Variants in SCNN1B observed in about 807,000 individuals in gnomAD.
SCNN1B encodes the protein sodium channel epithelial 1 subunit beta, also known as epithelial sodium channel subunit beta.
In SCNN1B, 46 loss-of-function variants were observed where a neutral mutation model predicts 65.3. The observed-to-expected ratio is 0.70, with a 90% CI of 0.56 to 0.90. The LOEUF is 0.90. Among genes scored for constraint, SCNN1B ranks in the 40% least tolerant of loss-of-function variants. The pLI is 0.00. For missense variants in SCNN1B, 751 were observed against 830.5 expected, an observed-to-expected ratio of 0.90 and a Z score of 1.18; for synonymous variants, 349 against 330.6, an observed-to-expected ratio of 1.06 and a Z score of -0.60.
intron 1 of SCNN1B, among the ~76,000 whole-genome samples, chr16:23,312,723 G>A (rs889439348): frequency 1.3e-5 from 2 of 152,170 alleles, no homozygotes; most frequent in Non-Finnish European, 1.5e-5. Flanking sequence ...TGACAATCTG[G>A]TTGGTTACAA....
At chr16:23,308,988 G>A (rs1397450590) in intron 1 of SCNN1B, among the ~76,000 whole-genome samples, 2 of 152,196 alleles carry the variant, frequency 1.3e-5, no homozygotes, top group East Asian at 3.8e-4. Flanking sequence ...AACTTCAAAT[G>A]AGATCTCCTC....
At chr16:23,339,714 T>G (rs1176668949) in intron 1 of SCNN1B, among the ~76,000 whole-genome samples, 1 of 152,014 alleles carries the variant, frequency 6.6e-6, no homozygotes, top group Non-Finnish European at 1.5e-5. Flanking sequence ...TACAGGCGTG[T>G]GGCACCACTC....
At chr16:23,279,167 C>A (rs1427810992) in intron 1 of SCNN1B, among the ~76,000 whole-genome samples, 5 of 151,982 alleles carry the variant, frequency 3.3e-5, no homozygotes, top group Non-Finnish European at 7.4e-5. Flanking sequence ...ACCTCTGCCT[C>A]CCGGGTTCAA....
intron 1 of SCNN1B, among the ~76,000 whole-genome samples, chr16:23,335,284 G>A (rs1961912453): frequency 6.6e-6 from 1 of 151,982 alleles, no homozygotes; most frequent in Non-Finnish European, 1.5e-5. Context: ...CTTTCTTGAG[G>A]GCAACTCATA....
rs375731019 is a variant in SCNN1B at position 23,285,189 on chromosome 16, GAAGTT to G, written n.178+1389_178+1393del. Among the ~76,000 whole-genome samples, 130 of 152,286 alleles carry G rather than the reference GAAGTT, an allele frequency of 8.5e-4. 4 individuals are homozygous for G. The South Asian group carries it at 0.026, about 30-fold the overall frequency. The stretch of plus-strand genomic sequence containing the variant: ...ACCATATGGTCATGTTAGACGTTAA[GAAGTT>G]AAGACTCTCACTCTGTCACCCAGGC... On this transcript the variant is annotated intron_variant and non_coding_transcript_variant, in intron 2 of 3. Coordinates refer to the SCNN1B transcript ENST00000569789.
rs538512698 is a variant in SCNN1B, at chr16:23,311,356, CT to C, written c.-9+8921del. Among the ~76,000 whole-genome samples the C allele has an allele frequency of 3.4e-3, 519 of 152,316 alleles. 5 individuals are homozygous for C. Among genetic ancestry groups the C allele is most frequent in the African/African-American group, 0.012 (488 of 41,570 alleles). On this transcript the variant is annotated intron_variant, in intron 1 of 12. Transcript: ENST00000343070. ...GAAGGAGGACTAAGATCTGGAAAGTCTTCTGTAGCCTCTCTCAAGAGTTACT... is the reference window on the plus strand; with the variant it reads ...GAAGGAGGACTAAGATCTGGAAAGTCTCTGTAGCCTCTCTCAAGAGTTACT...
chr16:23,358,002 C>T (rs1439003134), intron 4 of SCNN1B, among the ~76,000 whole-genome samples: 2 of 152,226 alleles, frequency 1.3e-5, no homozygotes, highest in African/African-American at 2.4e-5. Flanking sequence ...CGCCCAGGAG[C>T]GAGAGTGGGG....
At chr16:23,333,520 C>G (rs1438423293) in intron 1 of SCNN1B, among the ~76,000 whole-genome samples, 1 of 152,180 alleles carries the variant, frequency 6.6e-6, no homozygotes, top group Non-Finnish European at 1.5e-5. Context: ...AATGTTAATA[C>G]CAAGAATAAT....
chr16:23,306,394 A>G lies in SCNN1B; in HGVS notation c.-9+3957A>G, dbSNP rs370076595. Reference sequence around the variant, plus strand: ...TCAACACACATGAACCCCTTAGTACAGTGCCTGACTCAAGTAAACACTGTC... The same window carrying G: ...TCAACACACATGAACCCCTTAGTACGGTGCCTGACTCAAGTAAACACTGTC... On this transcript the variant is annotated intron_variant, in intron 1 of 12. Coordinates refer to ENST00000343070, the MANE Select transcript of SCNN1B (RefSeq NM_000336.3). Among the ~76,000 whole-genome samples the G allele has an allele frequency of 2.6e-4, 39 of 152,300 alleles. No individual in the cohort carries two copies. The Middle Eastern group carries it at 0.01, about 40-fold the overall frequency.
intron 2 of SCNN1B, among the ~76,000 whole-genome samples, chr16:23,292,236 C>G (rs1960936053): frequency 6.6e-6 from 1 of 150,940 alleles, no homozygotes; most frequent in African/African-American, 2.4e-5. Flanking sequence ...CTCTGTCGCC[C>G]AGGCTGGAGT....
intron 1 of SCNN1B, among the ~76,000 whole-genome samples, chr16:23,318,247 C>T (rs1052939895): frequency 2.0e-5 from 3 of 152,202 alleles, no homozygotes; most frequent in South Asian, 2.1e-4. Context: ...TACTTACTCT[C>T]ACTGTGTGAT....
Position 23,323,512 on chromosome 16 carries a change from T to A in SCNN1B, c.-9+21075T>A, listed in dbSNP as rs984281072. On this transcript the variant is annotated intron_variant, in intron 1 of 12. Transcript: ENST00000343070. ...TCATATTTACAATTTAATCTTCACA[T>A]CAACTCAATGAACTCAGTACTATTT... is the stretch of plus-strand genomic sequence containing the variant. 7 of 702,856 alleles carry A rather than the reference T, an allele frequency of 1.0e-5. No homozygotes were observed. The Admixed American group carries it at 1.0e-4, about 10-fold the overall frequency. 43.5% of individuals were successfully genotyped at this position (702,856 alleles called of 1,614,324 possible).
chr16:23,366,633 C>A (rs1011987559), intron 4 of SCNN1B, among the ~76,000 whole-genome samples: 2 of 152,048 alleles, frequency 1.3e-5, no homozygotes, highest in Non-Finnish European at 1.5e-5. Context: ...ACTCAGGAGG[C>A]TGAGGCAGGA....
rs57412418 is a variant in SCNN1B at position 23,296,990 on chromosome 16, C to CAAA, written n.178+13201_178+13203dup. 1.6e-3 allele frequency among the ~76,000 whole-genome samples: 128 copies of CAAA among 81,866 alleles called. 2 individuals are homozygous for CAAA. The highest frequency in any genetic ancestry group is 4.5e-3 in the African/African-American group (126 of 28,284). The allele number at this position is 81,866 out of a possible 152,430, so 53.7% of individuals were successfully genotyped here. On this transcript the variant is annotated intron_variant and non_coding_transcript_variant, in intron 2 of 3. Transcript: ENST00000569789. Reference sequence around the variant, plus strand: ...CACAGAGCAAGACTCCATCTCAAAACAAAAAAAAAAAAAAAAAGAGAGAGA... The same window carrying CAAA: ...CACAGAGCAAGACTCCATCTCAAAACAAAAAAAAAAAAAAAAAAAAGAGAGAGA...
intron 1 of SCNN1B, among the ~76,000 whole-genome samples, chr16:23,340,897 AGT>A (rs60710187): frequency 0.37 from 55,078 of 150,646 alleles, 10,376 homozygotes; most frequent in South Asian, 0.61. Flanking sequence ...GTTGCTTTGA[AGT>A]GTGTGTGTGT....
At chr16:23,334,990 C>T (rs1596846381) in intron 1 of SCNN1B, among the ~76,000 whole-genome samples, 1 of 152,338 alleles carries the variant, frequency 6.6e-6, no homozygotes, top group East Asian at 1.9e-4. Flanking sequence ...GGCTCTAACT[C>T]TAATCAGTCC....
upstream of SCNN1B, among the ~76,000 whole-genome samples, chr16:23,299,536 G>A (rs961648599): frequency 6.6e-6 from 1 of 152,180 alleles, no homozygotes; most frequent in African/African-American, 2.4e-5. Context: ...AGAATCCTAA[G>A]ATGTTATTTG....
intron 1 of SCNN1B, among the ~76,000 whole-genome samples, chr16:23,282,286 G>A (rs902202926): frequency 1.3e-5 from 2 of 152,192 alleles, no homozygotes; most frequent in Admixed American, 6.5e-5. Context: ...AAATGAGGGG[G>A]AAGAACAGAT....
At chr16:23,302,690 C>T (rs1165688566) in intron 1 of SCNN1B, among the ~76,000 whole-genome samples, 1 of 152,112 alleles carries the variant, frequency 6.6e-6, no homozygotes, top group Non-Finnish European at 1.5e-5. Flanking sequence ...CCAGGGTCCC[C>T]GGCGTGTCTG....
Sources: allele counts gnomAD v4.1 joint callset (sites outside exome capture counted in the v4.1 genomes callset), GRCh38; gene constraint gnomAD v4.1.1; transcripts MANE v1.5; gene names NCBI Gene and HGNC (gene_info 2026-07-23, HGNC 2026-07-21).